Variants in CTNNA1 observed in about 807,000 individuals in gnomAD.
The protein encoded by CTNNA1 is catenin alpha 1.
A neutral mutation model predicts 98.4 loss-of-function variants in CTNNA1; 37 were observed. The ratio of observed to expected loss-of-function variants is 0.38; its 90% CI spans 0.29 to 0.49. The LOEUF (loss-of-function observed/expected upper bound fraction) is 0.49, where lower values mean the gene tolerates loss of function less well. Among genes scored for constraint, CTNNA1 ranks in the 20% least tolerant of loss-of-function variants. The pLI, the probability that CTNNA1 is intolerant of heterozygous loss-of-function variation, is 0.95. For synonymous variants in CTNNA1, 404 were observed against 413.2 expected (o/e 0.98, Z 0.27); for missense variants, 761 against 1,147.2 (o/e 0.66, Z 4.86).
intron 1 of CTNNA1, chr5:138,753,723 G>A (rs1236969026): frequency 3.1e-6 from 1 of 318,700 alleles, no homozygotes; most frequent in Non-Finnish European, 5.7e-6. Flanking sequence ...GCCCGAGTAT[G>A]GGGCCCGGGC....
chr5:138,824,110 T>C (rs1349663825), intron 5 of CTNNA1, among the ~76,000 whole-genome samples: 9 of 152,180 alleles, frequency 5.9e-5, no homozygotes, highest in Non-Finnish European at 1.3e-4. Flanking sequence ...GTAATCAAGA[T>C]GCTAGGCAGT....
At chr5:138,823,906 G>A (rs918635256) in intron 5 of CTNNA1, among the ~76,000 whole-genome samples, 6 of 127,668 alleles carry the variant, frequency 4.7e-5, no homozygotes, top group Non-Finnish European at 6.3e-5. Flanking sequence ...GCAGTGAGCC[G>A]AGATCCCGCC....
Position 138,873,894 on chromosome 5 carries a change from C to A in CTNNA1, c.1063-12318C>A. On this transcript the variant is annotated intron_variant, in intron 7 of 17. Transcript: ENST00000302763. This position sits in a 1 kb window ranked among gnomAD's most constrained non-coding sequence, Gnocchi z 6.1. ...AGACTGCTTAGCCGTAGGAAATGAG[C>A]AAAATTAATCTTCGTCAGCTGGTTG... The A allele has an allele frequency of 6.2e-7, 1 of 1,613,982 alleles. No individual in the cohort carries two copies. Among genetic ancestry groups the A allele is most frequent in the Non-Finnish European group, 8.5e-7 (1 of 1,179,890 alleles).
chr5:138,931,531 C>T (rs1765322530), intron 16 of CTNNA1: 1 of 929,886 alleles, frequency 1.1e-6, no homozygotes, highest in Non-Finnish European at 1.3e-6. Context: ...AGCCTCCTTA[C>T]ACAAGCCAAA....
In CTNNA1 at chr5:138,865,482, G is replaced by GT. The variant is rs552442069; in HGVS notation, c.1063-20724dup. Among the ~76,000 whole-genome samples, 212 of 152,274 alleles carry GT rather than the reference G, an allele frequency of 1.4e-3. 1 individual carries two copies. The highest frequency in any genetic ancestry group is 4.7e-3 in the African/African-American group (196 of 41,556). On this transcript the variant is annotated intron_variant, in intron 7 of 17. Transcript: ENST00000302763. Reference sequence around the variant, plus strand: ...GCTCCATTTTATAAATAATTCACAGGTTTTTTCACTTAAGTGTCTCTTTTT... The same window carrying GT: ...GCTCCATTTTATAAATAATTCACAGGTTTTTTTCACTTAAGTGTCTCTTTTT...
intron 3 of CTNNA1, among the ~76,000 whole-genome samples, chr5:138,800,414 TAA>T (rs760217100): frequency 6.6e-5 from 10 of 152,218 alleles, no homozygotes; most frequent in Non-Finnish European, 1.3e-4. Context: ...TTTGATACTT[TAA>T]GAGAGATGTG....
intron 7 of CTNNA1, among the ~76,000 whole-genome samples, chr5:138,863,454 C>T (rs1473171411): frequency 6.6e-6 from 1 of 152,054 alleles, no homozygotes; most frequent in Non-Finnish European, 1.5e-5. Flanking sequence ...CCATGTTGCC[C>T]CTGCTGGTCT....
chr5:138,891,111 G>C (rs1343480355), intron 9 of CTNNA1: 1 of 152,304 alleles, frequency 6.6e-6, no homozygotes, highest in African/African-American at 2.4e-5. Flanking sequence ...GTCTTATTGG[G>C]TGCTATTTGC....
intron 1 of CTNNA1, among the ~76,000 whole-genome samples, chr5:138,767,100 G>A (rs1161672354): frequency 7.2e-5 from 11 of 152,026 alleles, no homozygotes; most frequent in African/African-American, 2.7e-4. Context: ...GCAGTGGCGT[G>A]ATCTTGGCTC....
chr5:138,896,550 G>A (rs906793553), intron 9 of CTNNA1, among the ~76,000 whole-genome samples: 1 of 152,186 alleles, frequency 6.6e-6, no homozygotes, highest in Admixed American at 6.5e-5. Flanking sequence ...TCTCTTGTGT[G>A]AAGGGTGCAT....
chr5:138,911,458 AC>A (rs142142608), intron 10 of CTNNA1, among the ~76,000 whole-genome samples: 1,792 of 147,860 alleles, frequency 0.012, 39 homozygotes, highest in African/African-American at 0.041. Flanking sequence ...ATCCCAGTGG[AC>A]CCCCCCCCAA....
chr5:138,824,444 A>T, intron 5 of CTNNA1, 86 bp from the exon 6 acceptor site: 4 of 1,418,934 alleles, frequency 2.8e-6, no homozygotes, highest in Non-Finnish European at 3.8e-6. Flanking sequence ...AGAAATTCTA[A>T]CTTTTCAGCA....
intron 3 of CTNNA1, among the ~76,000 whole-genome samples, chr5:138,797,730 C>A (rs1757120876): frequency 6.6e-6 from 1 of 151,992 alleles, no homozygotes. Context: ...TGGTTGGGAA[C>A]CTTTCTTTTG....
chr5:138,842,570 T>C (rs1246143957), intron 7 of CTNNA1, among the ~76,000 whole-genome samples: 3 of 152,234 alleles, frequency 2.0e-5, no homozygotes. Flanking sequence ...TTAAAGTTTT[T>C]CAGTTAAGGA....
intron 11 of CTNNA1, among the ~76,000 whole-genome samples, chr5:138,924,283 T>TTA (rs1428702319): frequency 1.3e-5 from 1 of 75,796 alleles, no homozygotes; most frequent in African/African-American, 4.9e-5. Flanking sequence ...TTATTTTTTG[T>TTA]TTTTTTTTTT....
intron 5 of CTNNA1, among the ~76,000 whole-genome samples, chr5:138,816,765 A>G (rs530876750): frequency 6.6e-6 from 1 of 151,752 alleles, no homozygotes; most frequent in African/African-American, 2.4e-5. Flanking sequence ...CAGTGGTGCA[A>G]TCTCGACTCA....
chr5:138,854,100 C>CAA (rs1197802476), intron 7 of CTNNA1, among the ~76,000 whole-genome samples: 1 of 152,192 alleles, frequency 6.6e-6, no homozygotes, highest in African/African-American at 2.4e-5. Flanking sequence ...ATTGATATTA[C>CAA]ATCTGCAAGA....
chr5:138,766,451 G>GTT (rs5871680), intron 1 of CTNNA1, among the ~76,000 whole-genome samples: 464 of 137,314 alleles, frequency 3.4e-3, no homozygotes, highest in East Asian at 0.011. Flanking sequence ...ACCATGTTTT[G>GTT]TTTTTTTTTT....
chr5:138,905,372 A>G (rs926475825), intron 10 of CTNNA1, among the ~76,000 whole-genome samples: 4 of 152,174 alleles, frequency 2.6e-5, no homozygotes, highest in Non-Finnish European at 5.9e-5. Context: ...GGGAGAGTCT[A>G]CACCCTCCTT....
Sources: gnomAD v4.1 joint callset for allele counts (sites outside exome capture counted in the v4.1 genomes callset) on GRCh38, gnomAD v4.1.1 for gene constraint, Gnocchi (gnomAD v3.1) non-coding constraint, MANE v1.5 for transcripts, NCBI Gene and HGNC (gene_info 2026-07-23, HGNC 2026-07-21) for gene names.